The following NT5C2 variants were observed in gnomAD, a reference collection of about 807,000 sequenced individuals.
NT5C2 encodes the protein cytosolic purine 5'-nucleotidase.
In NT5C2, 58 loss-of-function variants were observed where a neutral mutation model predicts 76.1. That is an observed-to-expected ratio of 0.76 (90% CI 0.62 to 0.95). The LOEUF is 0.95. Ranked by LOEUF, NT5C2 falls within the 40% of genes least tolerant of loss-of-function variation. The pLI, the probability that NT5C2 is intolerant of heterozygous loss-of-function variation, is 0.00. For synonymous variants in NT5C2, 229 were observed against 237.4 expected (o/e 0.96, Z 0.32); for missense variants, 478 against 690.3 (o/e 0.69, Z 3.45).
At chr10:103,105,862 G>A (rs1363883431) in intron 5 of NT5C2, 61 bp from the exon 6 acceptor site, 2 of 1,181,332 alleles carry the variant, frequency 1.7e-6, no homozygotes, top group Non-Finnish European at 2.5e-6. Flanking sequence ...ATTTTATGTA[G>A]TAGTATTTAA....
At chr10:103,137,650 T>G (rs915282587) in intron 4 of NT5C2, among the ~76,000 whole-genome samples, 1 of 152,210 alleles carries the variant, frequency 6.6e-6, no homozygotes, top group Non-Finnish European at 1.5e-5. Context: ...AAGACAAAAT[T>G]TTTTAACAGA....
intron 4 of NT5C2, among the ~76,000 whole-genome samples, chr10:103,121,274 GTAA>G (rs963457542): frequency 2.0e-5 from 3 of 152,040 alleles, no homozygotes; most frequent in Non-Finnish European, 4.4e-5. Context: ...GTTTAAAATG[GTAA>G]TATTATATTC....
In NT5C2 at chr10:103,089,978, CT is replaced by C. The variant is rs1036298320; in HGVS notation, c.1450-71del. 12 of 1,287,214 alleles carry C rather than the reference CT, an allele frequency of 9.3e-6. No individual in the cohort carries two copies. In the African/African-American group the frequency reaches 1.8e-4, roughly 19 times the overall value. 79.7% of individuals were successfully genotyped at this position (1,287,214 alleles called of 1,614,324 possible). The stretch of plus-strand genomic sequence containing the variant: ...GTAGCTACTCCCCAAATCCTAACCC[CT>C]CTCCTCTGTTAGGTGGCCATGCAAT... On this transcript the variant is annotated intron_variant, in intron 18 of 18. Coordinates refer to ENST00000404739, the MANE Select transcript of NT5C2 (RefSeq NM_001351169.2).
chr10:103,133,921 A>C (rs1234865301), intron 4 of NT5C2, among the ~76,000 whole-genome samples: 1 of 152,170 alleles, frequency 6.6e-6, no homozygotes, highest in Non-Finnish European at 1.5e-5. Flanking sequence ...TAGCAAAGAG[A>C]CTGGTGGCAT....
intron 3 of NT5C2, among the ~76,000 whole-genome samples, chr10:103,142,770 G>A (rs967238329): frequency 3.9e-5 from 6 of 152,108 alleles, no homozygotes; most frequent in African/African-American, 1.4e-4. Context: ...GGATCACGAG[G>A]TCAGGAGTTC....
At chr10:103,130,416 G>A (rs1565109590) in intron 4 of NT5C2, among the ~76,000 whole-genome samples, 2 of 150,952 alleles carry the variant, frequency 1.3e-5, no homozygotes, top group South Asian at 4.2e-4. Context: ...CACAAACACT[G>A]CGGAAGGCCG....
intron 1 of NT5C2, among the ~76,000 whole-genome samples, chr10:103,188,342 T>C (rs1482956748): frequency 6.6e-6 from 1 of 151,342 alleles, no homozygotes; most frequent in Non-Finnish European, 1.5e-5. Flanking sequence ...CAGGCGACAG[T>C]GCAAAAATCA....
intron 12 of NT5C2, 43 bp from the exon 13 acceptor site, chr10:103,094,498 C>T (rs2067680767): frequency 1.0e-6 from 1 of 986,372 alleles, no homozygotes; most frequent in Non-Finnish European, 1.6e-6. Context: ...TCACTCCTTA[C>T]CTTAAGGCAT....
At chr10:103,158,047 T>C (rs915757514) in intron 3 of NT5C2, among the ~76,000 whole-genome samples, 3 of 149,684 alleles carry the variant, frequency 2.0e-5, no homozygotes, top group African/African-American at 2.5e-5. Context: ...CACTCCAGCA[T>C]GACAACAGAG....
intron 4 of NT5C2, among the ~76,000 whole-genome samples, chr10:103,134,187 A>C (rs1215221554): frequency 6.6e-6 from 1 of 152,190 alleles, no homozygotes; most frequent in Non-Finnish European, 1.5e-5. Context: ...CAAAGAGCCT[A>C]ATGCTAATCA....
chr10:103,152,498 C>T (rs1164250352), intron 3 of NT5C2, among the ~76,000 whole-genome samples: 3 of 152,078 alleles, frequency 2.0e-5, no homozygotes, highest in African/African-American at 4.8e-5. Flanking sequence ...GGAACCACTT[C>T]AAATTTTCTT....
chr10:103,172,445 C>T (rs1171958654), intron 3 of NT5C2, among the ~76,000 whole-genome samples: 1 of 151,562 alleles, frequency 6.6e-6, no homozygotes, highest in Admixed American at 6.6e-5. Context: ...GACGAGGTTT[C>T]ACTGTGTTAG....
At chr10:103,126,242 CCT>C (rs1419072906) in intron 4 of NT5C2, among the ~76,000 whole-genome samples, 2 of 152,162 alleles carry the variant, frequency 1.3e-5, no homozygotes, top group Admixed American at 6.5e-5. Context: ...AGGGCCAAAT[CCT>C]GATACATATC....
At chr10:103,165,911 C>A (rs760492962) in intron 3 of NT5C2, among the ~76,000 whole-genome samples, 3 of 152,222 alleles carry the variant, frequency 2.0e-5, no homozygotes, top group Non-Finnish European at 4.4e-5. Context: ...CTCAGGTGAT[C>A]CGCCTGGCTT....
chr10:103,125,296 T>TAA (rs368951789), intron 4 of NT5C2: 523 of 448,730 alleles, frequency 1.2e-3, no homozygotes, highest in East Asian at 2.9e-3. Context: ...TTGTCACAGT[T>TAA]AAAAAAAAAA....
intron 2 of NT5C2, among the ~76,000 whole-genome samples, chr10:103,177,321 G>C (rs748786633): frequency 3.9e-5 from 6 of 152,054 alleles, no homozygotes; most frequent in Non-Finnish European, 7.4e-5. Flanking sequence ...TTTACATTAG[G>C]CTATTCTTAG....
chr10:103,094,517 A>C lies in NT5C2; in HGVS notation c.814-62T>G, dbSNP rs2067684736. The C allele has an allele frequency of 9.6e-6, 8 of 829,552 alleles. No individual in the cohort carries two copies. The East Asian group carries it at 2.0e-4, about 20-fold the overall frequency. 51.4% of individuals were successfully genotyped at this position (829,552 alleles called of 1,614,324 possible). Reference sequence around the variant, plus strand: ...TCCTTACCTTAAGGCATTACTATTTAATCTCACTCAGATGCAAGGAATATA... The same window carrying C: ...TCCTTACCTTAAGGCATTACTATTTCATCTCACTCAGATGCAAGGAATATA... On this transcript the variant is annotated intron_variant, in intron 12 of 18. Transcript: ENST00000404739.
chr10:103,142,689 G>A lies in NT5C2; in HGVS notation c.102-3210C>T, dbSNP rs533998995. On this transcript the variant is annotated intron_variant, in intron 3 of 18. Coordinates refer to ENST00000404739, the MANE Select transcript of NT5C2 (RefSeq NM_001351169.2). ...TTTCAAAAAGAAAAAAAAGAAAGAAGAAAAGAAAGGAAGGGCCAGGCACGG... is the reference window on the plus strand; with the variant it reads ...TTTCAAAAAGAAAAAAAAGAAAGAAAAAAAGAAAGGAAGGGCCAGGCACGG... Among the ~76,000 whole-genome samples the A allele has an allele frequency of 2.6e-5, 4 of 151,630 alleles. No individual in the cohort carries two copies. In the South Asian group the frequency reaches 8.3e-4, roughly 32 times the overall value.
intron 1 of NT5C2, among the ~76,000 whole-genome samples, chr10:103,192,033 C>T (rs1475804981): frequency 6.6e-6 from 1 of 150,890 alleles, no homozygotes; most frequent in African/African-American, 2.4e-5. Flanking sequence ...GCCTGGATGT[C>T]TTCATCTGGA....
Sources: allele counts gnomAD v4.1 joint callset (sites outside exome capture counted in the v4.1 genomes callset), GRCh38; gene constraint gnomAD v4.1.1; transcripts MANE v1.5; gene names NCBI Gene and HGNC (gene_info 2026-07-23, HGNC 2026-07-21).